The following SNX4 variants were observed in gnomAD, a reference collection of about 807,000 sequenced individuals.
SNX4 encodes the protein sorting nexin-4.
In SNX4, 49 loss-of-function variants were observed where a neutral mutation model predicts 70.8. That is an observed-to-expected ratio of 0.69 (90% confidence interval 0.55 to 0.88). The LOEUF (loss-of-function observed/expected upper bound fraction) is 0.88. Among genes scored for constraint, SNX4 ranks in the 40% least tolerant of loss-of-function variants. The pLI, the probability that SNX4 is intolerant of heterozygous loss-of-function variation, is 0.00. For missense variants in SNX4, 528 were observed against 544.8 expected, an observed-to-expected ratio of 0.97 and a Z score of 0.31; for synonymous variants, 206 against 183.8, an observed-to-expected ratio of 1.12 and a Z score of -0.98.
chr3:125,454,969 C>T (rs1933672464), intron 11 of SNX4, among the ~76,000 whole-genome samples: 1 of 151,834 alleles, frequency 6.6e-6, no homozygotes. Flanking sequence ...TGCTCTGTTG[C>T]CCAGGCTAGA....
chr3:125,479,285 G>A (rs1052404083), intron 7 of SNX4, among the ~76,000 whole-genome samples: 3 of 152,160 alleles, frequency 2.0e-5, no homozygotes, highest in African/African-American at 4.8e-5. Context: ...CAGGCATGGT[G>A]ACTCATGACT....
chr3:125,497,279 G>A, intron 5 of SNX4, 62 bp downstream of exon 5: 1 of 1,000,734 alleles, frequency 1.0e-6, no homozygotes, highest in Non-Finnish European at 1.6e-6. Flanking sequence ...TTCCCAATGA[G>A]TGCATGGCAC....
intron 6 of SNX4, among the ~76,000 whole-genome samples, chr3:125,481,646 G>A (rs1310495020): frequency 6.6e-6 from 1 of 151,946 alleles, no homozygotes; most frequent in African/African-American, 2.4e-5. Context: ...CTCCATGTTG[G>A]TCAGGCTGGT....
intron 1 of SNX4, among the ~76,000 whole-genome samples, chr3:125,508,657 AACGTGGT>A (rs1375514106): frequency 1.3e-5 from 2 of 152,132 alleles, no homozygotes; most frequent in African/African-American, 2.4e-5. Flanking sequence ...TAATAACAAC[AACGTGGT>A]ACTGTCATAA....
intron 7 of SNX4, among the ~76,000 whole-genome samples, chr3:125,479,378 G>A (rs1043198897): frequency 2.6e-5 from 4 of 151,890 alleles, no homozygotes; most frequent in African/African-American, 9.7e-5. Flanking sequence ...TTAACATGGT[G>A]AAACCCCATC....
intron 8 of SNX4, among the ~76,000 whole-genome samples, chr3:125,476,018 A>G (rs1291565022): frequency 1.3e-5 from 2 of 151,680 alleles, no homozygotes; most frequent in African/African-American, 2.4e-5. Flanking sequence ...CCTGTAATCC[A>G]GCATTTTAGG....
intron 12 of SNX4, among the ~76,000 whole-genome samples, chr3:125,452,679 G>A (rs1933605214): frequency 6.6e-6 from 1 of 152,130 alleles, no homozygotes; most frequent in South Asian, 2.1e-4. Flanking sequence ...GTGCAGTGGC[G>A]TGATCTCCGC....
intron 2 of SNX4, among the ~76,000 whole-genome samples, chr3:125,499,311 A>G (rs925061467): frequency 6.6e-6 from 1 of 152,218 alleles, no homozygotes; most frequent in Non-Finnish European, 1.5e-5. Flanking sequence ...GCCCTCCATG[A>G]AATGCACAAG....
intron 1 of SNX4, among the ~76,000 whole-genome samples, chr3:125,519,057 GGT>G (rs1163361165): frequency 3.3e-5 from 5 of 152,154 alleles, no homozygotes; most frequent in Admixed American, 1.3e-4. Flanking sequence ...CGTGCGTGGT[GGT>G]GTGTGCCTGT....
At chr3:125,516,928 T>C (rs925602153) in intron 1 of SNX4, 4 of 152,158 alleles carry the variant, frequency 2.6e-5, no homozygotes, top group African/African-American at 9.7e-5. Flanking sequence ...AAAAAATGGA[T>C]AAATCAACAC....
chr3:125,497,033 C>A (rs1934806453), intron 5 of SNX4, among the ~76,000 whole-genome samples: 1 of 149,736 alleles, frequency 6.7e-6, no homozygotes, highest in Non-Finnish European at 1.5e-5. Flanking sequence ...TGGGGAAAAT[C>A]TACAACTTGT....
intron 10 of SNX4, 42 bp downstream of exon 10, chr3:125,460,729 G>T: frequency 1.0e-6 from 1 of 981,622 alleles, no homozygotes; most frequent in South Asian, 1.7e-5. Flanking sequence ...GGAGAGTGGT[G>T]AACAACCCTG....
intron 8 of SNX4, among the ~76,000 whole-genome samples, chr3:125,473,590 T>C (rs1028092052): frequency 1.3e-5 from 2 of 152,172 alleles, no homozygotes; most frequent in African/African-American, 2.4e-5. Flanking sequence ...AATTTTTGTA[T>C]TTTTAGTAGA....
At chr3:125,471,333 A>G (rs1402659645) in intron 8 of SNX4, among the ~76,000 whole-genome samples, 5 of 143,854 alleles carry the variant, frequency 3.5e-5, no homozygotes, top group African/African-American at 1.4e-4. Flanking sequence ...AACAAGAGCA[A>G]AGCTCCATCT....
intron 7 of SNX4, among the ~76,000 whole-genome samples, chr3:125,477,758 G>A (rs935764437): frequency 2.6e-5 from 4 of 152,144 alleles, no homozygotes; most frequent in African/African-American, 9.7e-5. Flanking sequence ...GAGGAAACAC[G>A]TACCCACTAG....
At chr3:125,468,636 A>G (rs1435484211) in intron 9 of SNX4, among the ~76,000 whole-genome samples, 1 of 152,204 alleles carries the variant, frequency 6.6e-6, no homozygotes, top group East Asian at 1.9e-4. Context: ...GCTTAAGGCC[A>G]GGAGTCCAAG....
intron 1 of SNX4, among the ~76,000 whole-genome samples, chr3:125,511,525 C>T (rs370640979): frequency 6.6e-6 from 1 of 152,074 alleles, no homozygotes; most frequent in East Asian, 1.9e-4. Flanking sequence ...CAGGTCTATA[C>T]CAAAAGGTGA....
chr3:125,517,201 G>C (rs1935301613), intron 1 of SNX4: 1 of 152,028 alleles, frequency 6.6e-6, no homozygotes, highest in Non-Finnish European at 1.5e-5. Flanking sequence ...AATGGAAGAA[G>C]CACTGATTTC....
chr3:125,450,012 G>A (rs1454440067), intron 13 of SNX4, among the ~76,000 whole-genome samples: 2 of 152,182 alleles, frequency 1.3e-5, no homozygotes, highest in Non-Finnish European at 2.9e-5. Context: ...TGGGAGGCCA[G>A]GGCGGGAGGA....
Sources: gnomAD v4.1 joint callset for allele counts (sites outside exome capture counted in the v4.1 genomes callset) on GRCh38, gnomAD v4.1.1 for gene constraint, MANE v1.5 for transcripts, NCBI Gene and HGNC (gene_info 2026-07-23, HGNC 2026-07-21) for gene names.